WDFY4: variants seen among roughly 807,000 people sequenced by gnomAD.
WDFY4 encodes the protein WDFY family member 4.
WDFY4 carries 169 observed loss-of-function variants against 351.9 expected under a neutral mutation model. The observed-to-expected ratio is 0.48, with a 90% CI of 0.42 to 0.55. The LOEUF is 0.55. Ranked by LOEUF, WDFY4 falls within the 20% of genes least tolerant of loss-of-function variation. WDFY4 has a pLI of 0.00. For synonymous variants in WDFY4, 1,622 were observed against 1,574.6 expected (o/e 1.03, Z -0.71); for missense variants, 3,803 against 3,935.6 (o/e 0.97, Z 0.90).
In WDFY4 at chr10:48,778,765, C is replaced by T. The variant is rs1380632269; in HGVS notation, c.3330C>T (p.Ser1110=). 1.1e-5 allele frequency: 17 copies of T among 1,551,476 alleles called. No homozygotes were observed. Among genetic ancestry groups the T allele is most frequent in the East Asian group, 4.9e-5 (2 of 40,928 alleles). ...ARTEQPFVCF[S]VSLCPDDLSL... is the part of the protein sequence containing the mutation. ...CTGAGCAACCCTTTGTTTGCTTCTC[C>T]GTCAGCCTCTGCCCAGACGACCTCT... Residue 1110 remains serine, a synonymous_variant, in exon 18 of 62, where the codon TCC becomes TCT. Transcript: ENST00000325239.
chr10:48,702,318 C>A (rs2063501461), intron 1 of WDFY4, among the ~76,000 whole-genome samples: 1 of 152,328 alleles, frequency 6.6e-6, no homozygotes, highest in South Asian at 2.1e-4. Flanking sequence ...CCCACACACT[C>A]CTCCTTGACC....
At chr10:48,708,523 G>T (rs967597183) in intron 1 of WDFY4, among the ~76,000 whole-genome samples, 1 of 152,172 alleles carries the variant, frequency 6.6e-6, no homozygotes, top group Admixed American at 6.5e-5. Context: ...TTTATTCAGG[G>T]ATCCTGAACA....
At chr10:48,787,874 CTTTCTTT>C (rs1565198078) in intron 20 of WDFY4, among the ~76,000 whole-genome samples, 3 of 86,310 alleles carry the variant, frequency 3.5e-5, no homozygotes, top group African/African-American at 1.3e-4. Context: ...CTTCTTTCTT[CTTTCTTT>C]CTTCTTCTTC....
intron 24 of WDFY4, among the ~76,000 whole-genome samples, chr10:48,801,104 C>T (rs1004715037): frequency 1.3e-5 from 2 of 152,184 alleles, no homozygotes; most frequent in African/African-American, 4.8e-5. Flanking sequence ...GGGGAGAGAG[C>T]AACACCTGAC....
intron 2 of WDFY4, among the ~76,000 whole-genome samples, chr10:48,712,424 T>C (rs1565118498): frequency 1.3e-5 from 2 of 152,246 alleles, no homozygotes; most frequent in Admixed American, 1.3e-4. Context: ...CACAATCTGC[T>C]ACTCTGGATC....
intron 36 of WDFY4, among the ~76,000 whole-genome samples, chr10:48,828,473 A>G (rs1353825435): frequency 1.3e-5 from 2 of 152,208 alleles, no homozygotes; most frequent in Non-Finnish European, 2.9e-5. Flanking sequence ...AGGCACTGAA[A>G]GAAATGACTA....
intron 2 of WDFY4, among the ~76,000 whole-genome samples, chr10:48,719,673 C>T (rs747887597): frequency 2.6e-5 from 4 of 152,222 alleles, no homozygotes; most frequent in African/African-American, 9.6e-5. Flanking sequence ...TGGAGAGGCA[C>T]TCCTGGTGCT....
intron 13 of WDFY4, among the ~76,000 whole-genome samples, chr10:48,774,013 G>T (rs1463070111): frequency 6.6e-6 from 1 of 152,144 alleles, no homozygotes; most frequent in African/African-American, 2.4e-5. Flanking sequence ...CCCCACAGAG[G>T]TGCAAGCCAG....
intron 47 of WDFY4, chr10:48,910,056 G>A: frequency 1.7e-6 from 1 of 592,270 alleles, no homozygotes; most frequent in Non-Finnish European, 3.0e-6. Context: ...ACACAGGTGG[G>A]CTAAAGCTAA....
intron 47 of WDFY4, among the ~76,000 whole-genome samples, chr10:48,926,839 G>A (rs1839611428): frequency 6.6e-6 from 1 of 152,180 alleles, no homozygotes; most frequent in South Asian, 2.1e-4. Context: ...TCACTTCATA[G>A]GCATGTGTCC....
rs1381827753 is a variant in WDFY4, at chr10:48,743,495, A to G, written c.2406A>G (p.Glu802=). The G allele has an allele frequency of 6.5e-7, 1 of 1,543,116 alleles. No homozygotes were observed. The highest frequency in any genetic ancestry group is 8.7e-7 in the Non-Finnish European group (1 of 1,146,706). The change falls in exon 12 of 62, where the codon GAA becomes GAG. Residue 802 remains glutamate, a synonymous_variant. Transcript: ENST00000325239. ...QGPVVDVQKG[E]TGSDPQRNFK... is the part of the protein sequence containing the mutation. ...CGGTTGTGGATGTTCAGAAGGGAGA[A>G]ACTGGCAGTGACCCCCAACGCAACT...
At chr10:48,783,996 A>G (rs1348193267) in intron 19 of WDFY4, among the ~76,000 whole-genome samples, 3 of 152,252 alleles carry the variant, frequency 2.0e-5, no homozygotes, top group African/African-American at 7.2e-5. Flanking sequence ...TTGGAAATTC[A>G]TCCAAACTTT....
chr10:48,945,266 C>T (rs1036597049), intron 49 of WDFY4, among the ~76,000 whole-genome samples: 5 of 152,092 alleles, frequency 3.3e-5, no homozygotes, highest in Admixed American at 6.5e-5. Flanking sequence ...GTCCCAGCTA[C>T]TTGGGAGGCT....
At position 48,777,593 on chromosome 10, in the gene WDFY4, A is replaced by T; in HGVS notation, c.3175+98A>T. On this transcript the variant is annotated intron_variant, in intron 17 of 61. Transcript: ENST00000325239. ...AGATTTTTACTTGGTGTTTCAATAA[A>T]GTGTGAGCTGTGCTGGGCATGGTGG... is the stretch of plus-strand genomic sequence containing the variant. 3 of 1,225,820 alleles carry T rather than the reference A, an allele frequency of 2.4e-6. 1 individual carries two copies. In the South Asian group the frequency reaches 3.9e-5, roughly 16 times the overall value. 75.9% of individuals were successfully genotyped at this position (1,225,820 alleles called of 1,614,324 possible). A position where few individuals can be genotyped will look rare whatever the true frequency, so the allele number is the denominator to read the frequency against.
chr10:48,945,069 C>A (rs1840969650), intron 49 of WDFY4, among the ~76,000 whole-genome samples: 1 of 152,134 alleles, frequency 6.6e-6, no homozygotes, highest in South Asian at 2.1e-4. Context: ...TGAGGATTCA[C>A]TGCTAGTGGA....
At position 48,776,995 on chromosome 10, in the gene WDFY4, C is replaced by A. The variant is rs1589581396; in HGVS notation, c.3098+11C>A. 3.2e-6 allele frequency: 5 copies of A among 1,540,460 alleles called. No individual in the cohort carries two copies. The highest frequency in any genetic ancestry group is 4.4e-6 in the Non-Finnish European group (5 of 1,142,310). Reference sequence around the variant, plus strand: ...CGTGGAAGGTTATGGGTATGACAGGCTTTCACATATTTAAAATGCACTTTA... The same window carrying A: ...CGTGGAAGGTTATGGGTATGACAGGATTTCACATATTTAAAATGCACTTTA... On this transcript the variant is annotated intron_variant, in intron 16 of 61. Coordinates refer to ENST00000325239, the MANE Select transcript of WDFY4 (RefSeq NM_001394531.1).
At chr10:48,714,841 GA>G (rs1323120523) in intron 2 of WDFY4, among the ~76,000 whole-genome samples, 1 of 152,226 alleles carries the variant, frequency 6.6e-6, no homozygotes, top group Non-Finnish European at 1.5e-5. Flanking sequence ...GAAATATGTG[GA>G]TGTGGTAGAT....
At chr10:48,822,564 CTGTG>C in intron 35 of WDFY4, 27 bp downstream of exon 35, 1 of 1,485,918 alleles carries the variant, frequency 6.7e-7, no homozygotes, top group Non-Finnish European at 9.0e-7. Flanking sequence ...GACCGGGTAT[CTGTG>C]TGGATCTGAA....
At position 48,828,831 on chromosome 10, in the gene WDFY4, A is replaced by C; in HGVS notation, c.6275A>C (p.Gln2092Pro). 6.5e-7 allele frequency: 1 copy of C among 1,547,552 alleles called. No homozygotes were observed. Among genetic ancestry groups the C allele is most frequent in the Non-Finnish European group, 8.7e-7 (1 of 1,145,300 alleles). ...AAGCCTAGAATGTCTACTTATCATCAAGTCTTCCTTTCCCCAAATGAAGAC... is the reference window on the plus strand; with the variant it reads ...AAGCCTAGAATGTCTACTTATCATCCAGTCTTCCTTTCCCCAAATGAAGAC... ...EPKPRMSTYH[Q>P]VFLSPNEDVK... Residue 2092 changes from glutamine to proline, a missense_variant, in exon 37 of 62, where the codon CAA (glutamine) becomes CCA (proline). This residue lies in a region of WDFY4 where 3,054 missense variants were observed against 3,148.6 expected (regional missense o/e 0.97). Coordinates refer to ENST00000325239, the MANE Select transcript of WDFY4 (RefSeq NM_001394531.1).
Sources: allele counts gnomAD v4.1 joint callset (sites outside exome capture counted in the v4.1 genomes callset), GRCh38; gene constraint gnomAD v4.1.1; regional missense constraint gnomAD v4.1.1; transcripts MANE v1.5; gene names NCBI Gene and HGNC (gene_info 2026-07-23, HGNC 2026-07-21).